COBLL1: variants seen among roughly 807,000 people sequenced by gnomAD.
COBLL1 encodes the protein cordon-bleu WH2 repeat protein like 1.
In COBLL1, 50 loss-of-function variants were observed where a neutral mutation model predicts 94.8. The observed-to-expected ratio is 0.53, with a 90% CI of 0.42 to 0.67. The LOEUF is 0.67. Ranked by LOEUF, COBLL1 falls within the 30% of genes least tolerant of loss-of-function variation. The probability of loss-of-function intolerance (pLI) is 0.00; values close to 1 mark genes in which losing one functional copy is unlikely to be tolerated. For synonymous variants in COBLL1, 448 were observed against 473.8 expected (o/e 0.95, Z 0.71); for missense variants, 1,362 against 1,348.7 (o/e 1.01, Z -0.15).
At chr2:164,796,991 G>T (rs915693820) in intron 2 of COBLL1, among the ~76,000 whole-genome samples, 1 of 152,068 alleles carries the variant, frequency 6.6e-6, no homozygotes, top group Non-Finnish European at 1.5e-5. Flanking sequence ...AATTTTTAAA[G>T]AGAAGAGAAA....
chr2:164,755,457 T>G (rs552907605), intron 2 of COBLL1, among the ~76,000 whole-genome samples: 37 of 152,338 alleles, frequency 2.4e-4, no homozygotes, highest in East Asian at 1.7e-3. Flanking sequence ...AAATATAGTT[T>G]CATTAGGTTG....
At chr2:164,676,415 C>G (rs1239920894), downstream of COBLL1, among the ~76,000 whole-genome samples, 2 of 152,050 alleles carry the variant, frequency 1.3e-5, no homozygotes, top group African/African-American at 4.8e-5. Flanking sequence ...TATTCAATTC[C>G]CAGAAAACAG....
At chr2:164,732,264 A>G (rs1356368348) in intron 3 of COBLL1, among the ~76,000 whole-genome samples, 1 of 152,218 alleles carries the variant, frequency 6.6e-6, no homozygotes, top group Non-Finnish European at 1.5e-5. Context: ...ATGGTTGCAT[A>G]ATATTTAAGA....
At chr2:164,794,608 A>G (rs1245516331) in intron 2 of COBLL1, among the ~76,000 whole-genome samples, 1 of 152,136 alleles carries the variant, frequency 6.6e-6, no homozygotes, top group Non-Finnish European at 1.5e-5. Flanking sequence ...TGACCTAGCA[A>G]ATTTTATTCC....
At chr2:164,786,111 G>T (rs1192527777) in intron 2 of COBLL1, among the ~76,000 whole-genome samples, 2 of 152,096 alleles carry the variant, frequency 1.3e-5, no homozygotes, top group Non-Finnish European at 2.9e-5. Context: ...AGTTGAATTT[G>T]CTGCATATAG....
chr2:164,770,620 T>C (rs1688159127), intron 2 of COBLL1, among the ~76,000 whole-genome samples: 1 of 152,164 alleles, frequency 6.6e-6, no homozygotes, highest in African/African-American at 2.4e-5. Flanking sequence ...TCTGATTTAA[T>C]GTATAAACAC....
At chr2:164,752,304 G>A (rs929735424) in intron 2 of COBLL1, among the ~76,000 whole-genome samples, 8 of 152,130 alleles carry the variant, frequency 5.3e-5, no homozygotes, top group Non-Finnish European at 8.8e-5. Flanking sequence ...CTTGCCTAAG[G>A]TTCCTTAGCC....
rs1446660439 is a variant in COBLL1, at chr2:164,681,929, A to G, written c.*4017T>C. On this transcript the variant is annotated 3_prime_UTR_variant, in exon 14 of 14. Transcript: ENST00000652658. Reference sequence around the variant, plus strand: ...GTAAACACAATGTATCTATATGAACAGTCTAACATATTAAGGATGGAAATT... The same window carrying G: ...GTAAACACAATGTATCTATATGAACGGTCTAACATATTAAGGATGGAAATT... 6.6e-6 allele frequency: 1 copy of G among 152,220 alleles called. No individual in the cohort carries two copies. The highest frequency in any genetic ancestry group is 1.5e-5 in the Non-Finnish European group (1 of 68,042). 9.4% of individuals were successfully genotyped at this position (152,220 alleles called of 1,614,324 possible).
chr2:164,831,974 G>A (rs561275564), intron 2 of COBLL1, among the ~76,000 whole-genome samples: 2 of 152,294 alleles, frequency 1.3e-5, no homozygotes, highest in South Asian at 2.1e-4. Flanking sequence ...GTCTGGGAAT[G>A]GTAGGATAGT....
At chr2:164,667,940 G>A (rs970449115) in intron 1 of COBLL1, among the ~76,000 whole-genome samples, 5 of 151,034 alleles carry the variant, frequency 3.3e-5, no homozygotes, top group African/African-American at 7.3e-5. Context: ...AGCCTGTCTC[G>A]GCTTTCTTTT....
chr2:164,737,884 TA>T (rs1244272381), intron 3 of COBLL1, among the ~76,000 whole-genome samples: 2 of 152,126 alleles, frequency 1.3e-5, no homozygotes, highest in African/African-American at 4.8e-5. Flanking sequence ...AACTCTGCTG[TA>T]AACTGGTGCT....
chr2:164,810,108 CCAAA>C (rs1256117038), intron 2 of COBLL1, among the ~76,000 whole-genome samples: 6 of 151,464 alleles, frequency 4.0e-5, no homozygotes, highest in African/African-American at 1.5e-4. Context: ...AGATCTCAAC[CCAAA>C]CAGACATCAT....
intron 2 of COBLL1, among the ~76,000 whole-genome samples, chr2:164,757,711 C>G (rs1172184217): frequency 6.6e-6 from 1 of 151,898 alleles, no homozygotes; most frequent in Non-Finnish European, 1.5e-5. Flanking sequence ...ACTTGGGAGC[C>G]TGAGGTGGTA....
At chr2:164,705,135 T>C in intron 7 of COBLL1, 30 bp from the exon 8 acceptor site, 8 of 1,484,494 alleles carry the variant, frequency 5.4e-6, no homozygotes, top group Non-Finnish European at 7.2e-6. Context: ...AATAAAATCC[T>C]ACATTTAGAA....
chr2:164,666,003 T>C (rs1361533050), intron 1 of COBLL1: 1 of 152,192 alleles, frequency 6.6e-6, no homozygotes, highest in East Asian at 1.9e-4. Context: ...TAATATTGAA[T>C]GTTCCTAACA....
intron 13 of COBLL1, chr2:164,687,158 C>T (rs1016348033): frequency 2.7e-6 from 1 of 366,982 alleles, no homozygotes; most frequent in African/African-American, 2.1e-5. Context: ...CTTTAGTATG[C>T]CTGTGAGATT....
intron 1 of COBLL1, among the ~76,000 whole-genome samples, chr2:164,672,869 C>T (rs1244453724): frequency 6.6e-6 from 1 of 152,114 alleles, no homozygotes; most frequent in African/African-American, 2.4e-5. Context: ...AGTGAAGTAA[C>T]TTGGATAAGG....
chr2:164,808,007 T>C lies in COBLL1; in HGVS notation c.41+33149A>G, dbSNP rs184111495. Among the ~76,000 whole-genome samples, 1,179 of 151,970 alleles carry C rather than the reference T, an allele frequency of 7.8e-3. 12 individuals carry two copies. The highest frequency in any genetic ancestry group is 0.027 in the African/African-American group (1,113 of 41,468). ...GCTAATTTTTGTACTTTTAGTAGAG[T>C]TGGGGTTTCACCATGTTCACCAGGC... On this transcript the variant is annotated intron_variant, in intron 2 of 13. Transcript: ENST00000652658.
At chr2:164,744,131 T>C (rs1456163912) in intron 2 of COBLL1, among the ~76,000 whole-genome samples, 1 of 152,178 alleles carries the variant, frequency 6.6e-6, no homozygotes, top group African/African-American at 2.4e-5. Flanking sequence ...AAATTTTATA[T>C]TGGCCTCTAT....
Sources: gnomAD v4.1 joint callset for allele counts (sites outside exome capture counted in the v4.1 genomes callset) on GRCh38, gnomAD v4.1.1 for gene constraint, MANE v1.5 for transcripts, NCBI Gene and HGNC (gene_info 2026-07-23, HGNC 2026-07-21) for gene names.